TNFRSF10B: variants seen among roughly 807,000 people sequenced by gnomAD.
The protein encoded by TNFRSF10B is tumor necrosis factor receptor superfamily member 10B.
Under a neutral mutation model 41.4 loss-of-function variants are expected in TNFRSF10B, and 35 were observed. The observed-to-expected ratio is 0.85, with a 90% CI of 0.65 to 1.12. The LOEUF is 1.12. Among genes scored for constraint, TNFRSF10B ranks in the 50% most tolerant of loss-of-function variants. The probability of loss-of-function intolerance (pLI) is 0.00; values close to 1 mark genes in which losing one functional copy is unlikely to be tolerated. For synonymous variants in TNFRSF10B, 230 were observed against 215.5 expected (o/e 1.07, Z -0.59); for missense variants, 584 against 552.7 (o/e 1.06, Z -0.57).
At chr8:23,050,500 C>G (rs569163004) in intron 1 of TNFRSF10B, among the ~76,000 whole-genome samples, 1 of 152,152 alleles carries the variant, frequency 6.6e-6, no homozygotes, top group Non-Finnish European at 1.5e-5. Context: ...CTTTAAAAGG[C>G]CTTCGTGTTT....
intron 1 of TNFRSF10B, among the ~76,000 whole-genome samples, chr8:23,059,310 T>C (rs1812756640): frequency 1.3e-5 from 2 of 152,350 alleles, no homozygotes; most frequent in Non-Finnish European, 2.9e-5. Flanking sequence ...TGTACAAATA[T>C]CTGTTTGAAA....
chr8:23,057,974 C>A (rs1471266191), intron 1 of TNFRSF10B, among the ~76,000 whole-genome samples: 2 of 152,184 alleles, frequency 1.3e-5, no homozygotes, highest in Non-Finnish European at 2.9e-5. Flanking sequence ...TGGCTGGGCA[C>A]AATGGTTCAT....
chr8:23,028,186 A>C (rs1396558878), intron 5 of TNFRSF10B, 145 bp downstream of exon 5: 1 of 1,092,108 alleles, frequency 9.2e-7, no homozygotes, highest in South Asian at 1.3e-5. Flanking sequence ...GGATGTGGGG[A>C]TGGGGGTGAC....
chr8:23,067,623 C>G (rs1029410618), intron 1 of TNFRSF10B, among the ~76,000 whole-genome samples: 2 of 152,184 alleles, frequency 1.3e-5, no homozygotes, highest in Admixed American at 6.5e-5. Context: ...CCTGTACACT[C>G]TCCTCACTAG....
intron 1 of TNFRSF10B, among the ~76,000 whole-genome samples, chr8:23,064,448 C>G (rs146969875): frequency 8.0e-4 from 122 of 152,260 alleles, no homozygotes; most frequent in African/African-American, 2.9e-3. Flanking sequence ...GGAGAATGGG[C>G]GTGTGGCCAG....
chr8:23,043,344 A>C (rs1228362280), intron 1 of TNFRSF10B, 101 bp from the exon 2 acceptor site: 3 of 845,572 alleles, frequency 3.5e-6, no homozygotes, highest in Non-Finnish European at 4.0e-6. Flanking sequence ...AGCTAAACAG[A>C]ACCCTCATCT....
At chr8:23,029,873 C>G (rs1811828192) in intron 3 of TNFRSF10B, 152 bp from the exon 4 acceptor site, 2 of 725,840 alleles carry the variant, frequency 2.8e-6, no homozygotes, top group Non-Finnish European at 4.9e-6. Context: ...ATGGCTCATT[C>G]AGGATACCCA....
chr8:23,024,614 G>T (rs1811647067), intron 7 of TNFRSF10B, among the ~76,000 whole-genome samples: 1 of 151,878 alleles, frequency 6.6e-6, no homozygotes, highest in Non-Finnish European at 1.5e-5. Context: ...TCCACCTCTG[G>T]GTTCAAGAGA....
At chr8:23,025,548 TTGG>T (rs1378661244) in intron 7 of TNFRSF10B, among the ~76,000 whole-genome samples, 4 of 152,240 alleles carry the variant, frequency 2.6e-5, no homozygotes, top group Middle Eastern at 3.2e-3. Flanking sequence ...ACAGTTTTGT[TTGG>T]TGTTGTACAT....
intron 7 of TNFRSF10B, 87 bp from the exon 8 acceptor site, chr8:23,024,347 C>A (rs1811638320): frequency 1.4e-6 from 2 of 1,395,910 alleles, no homozygotes; most frequent in Non-Finnish European, 1.0e-6. Context: ...GCTCTGAGAC[C>A]TGCAGCACGT....
chr8:23,049,662 T>G (rs1416094319), intron 1 of TNFRSF10B: 1 of 152,244 alleles, frequency 6.6e-6, no homozygotes, highest in Non-Finnish European at 1.5e-5. Flanking sequence ...AGCTTTGTAA[T>G]TTTGAGTTGG....
At position 23,022,962 on chromosome 8, in the gene TNFRSF10B, G is replaced by A; in HGVS notation, c.1032C>T (p.Asp344=). 1.2e-6 allele frequency: 2 copies of A among 1,613,080 alleles called. No homozygotes were observed. Among genetic ancestry groups the A allele is most frequent in the South Asian group, 2.2e-5 (2 of 91,078 alleles). ...PTETLRQCFD[D]FADLVPFDSW... ...AGTCAAAGGGCACCAAGTCTGCAAA[G>A]TCATCGAAGCACTGTCTCAGAGCTG... The change falls in exon 9 of 9, where the codon GAC becomes GAT. Residue 344 remains aspartate, a synonymous_variant. Coordinates refer to ENST00000276431, the MANE Select transcript of TNFRSF10B (RefSeq NM_003842.5).
rs185286546 is a variant in TNFRSF10B, at chr8:23,024,298, G to A, written c.937-38C>T. 79 of 1,613,156 alleles carry A rather than the reference G, an allele frequency of 4.9e-5. 1 individual carries two copies. The African/African-American group carries it at 9.2e-4, about 19-fold the overall frequency. ...GTGGGGAATGTCCTGGTCAGAGCCA[G>A]GAGTCCTACAGTCCAGTACTGACCC... On this transcript the variant is annotated intron_variant, in intron 7 of 8. Transcript: ENST00000276431.
rs753715279 is a variant in TNFRSF10B at position 23,022,949 on chromosome 8, C to A, written c.1045G>T (p.Val349Leu). Residue 349 changes from valine (V) to leucine (L), a missense_variant, in exon 9 of 9, where the codon GTG (valine) becomes TTG (leucine). By Grantham distance (32) the Val-to-Leu change is conservative (BLOSUM62 1). Coordinates refer to ENST00000276431, the MANE Select transcript of TNFRSF10B (RefSeq NM_003842.5). ...RQCFDDFADL[V>L]PFDSWEPLMR... is the part of the protein sequence containing the mutation. ...AGCGGCTCCCAGGAGTCAAAGGGCA[C>A]CAAGTCTGCAAAGTCATCGAAGCAC... The A allele has an allele frequency of 8.1e-6, 13 of 1,613,640 alleles. No homozygotes were observed. The Admixed American group carries it at 1.0e-4, about 12-fold the overall frequency.
chr8:23,056,426 C>A (rs981602525), intron 1 of TNFRSF10B, among the ~76,000 whole-genome samples: 7 of 151,992 alleles, frequency 4.6e-5, no homozygotes, highest in Admixed American at 1.3e-4. Flanking sequence ...CCGAGGCGGG[C>A]GATCATTTGA....
chr8:23,045,894 A>G (rs1310156571), intron 1 of TNFRSF10B, among the ~76,000 whole-genome samples: 3 of 152,204 alleles, frequency 2.0e-5, no homozygotes, highest in African/African-American at 7.2e-5. Flanking sequence ...ACATTCTTTC[A>G]TGATAAAAAC....
At chr8:23,028,054 C>CT in intron 5 of TNFRSF10B, 1 of 601,664 alleles carries the variant, frequency 1.7e-6, no homozygotes, top group East Asian at 2.8e-5. Flanking sequence ...CGACTGCCCC[C>CT]TGCCTGGCTG....
At chr8:23,036,396 G>T (rs943772393) in intron 2 of TNFRSF10B, among the ~76,000 whole-genome samples, 102 of 152,284 alleles carry the variant, frequency 6.7e-4, no homozygotes, top group African/African-American at 2.2e-3. Context: ...TCTTTTGCCT[G>T]GCCTGCACTT....
chr8:23,052,513 C>A (rs1304318815), intron 1 of TNFRSF10B, among the ~76,000 whole-genome samples: 2 of 152,034 alleles, frequency 1.3e-5, no homozygotes, highest in Non-Finnish European at 2.9e-5. Context: ...GTCTTGATCT[C>A]CTGACCTTGT....
Sources: gnomAD v4.1 joint callset for allele counts (sites outside exome capture counted in the v4.1 genomes callset) on GRCh38, gnomAD v4.1.1 for gene constraint, MANE v1.5 for transcripts, NCBI Gene and HGNC (gene_info 2026-07-23, HGNC 2026-07-21) for gene names.